Variants in WNK4 observed in about 807,000 individuals in gnomAD.
WNK4 encodes the protein serine/threonine-protein kinase WNK4.
A neutral mutation model predicts 116.2 loss-of-function variants in WNK4; 94 were observed. The observed-to-expected ratio is 0.81, with a 90% CI of 0.68 to 0.96. WNK4 has a LOEUF of 0.96. WNK4 is among the 40% of genes least tolerant of loss of function. WNK4 has a pLI of 0.00. For missense variants in WNK4, 1,542 were observed against 1,650.6 expected (o/e 0.93, Z 1.14); for synonymous variants, 655 against 672.7 (o/e 0.97, Z 0.41).
At position 42,782,024 on chromosome 17, in the gene WNK4, TAC is replaced by T. The variant is rs1341216034; in HGVS notation, c.618+710_618+711del. ...GACCTTCCTCCCATTGCTCCCATGCTACATATGGGTTAGGAGAACCCAGTCAA... is the reference window on the plus strand; with the variant it reads ...GACCTTCCTCCCATTGCTCCCATGCTATATGGGTTAGGAGAACCCAGTCAA... On this transcript the variant is annotated intron_variant, in intron 1 of 18. Transcript: ENST00000246914. This position sits in a 1 kb window ranked among gnomAD's most constrained non-coding sequence, Gnocchi z 4.2. 1.3e-5 allele frequency among the ~76,000 whole-genome samples: 2 copies of T among 152,204 alleles called. No homozygotes were observed. Among genetic ancestry groups the T allele is most frequent in the Non-Finnish European group, 2.9e-5 (2 of 68,016 alleles).
In WNK4 at chr17:42,783,923, G is replaced by T. The variant is rs772622204; in HGVS notation, c.792-14G>T. 18 of 1,610,216 alleles carry T rather than the reference G, an allele frequency of 1.1e-5. No individual in the cohort carries two copies. The highest frequency in any genetic ancestry group is 1.4e-5 in the Non-Finnish European group (16 of 1,178,728). ...GTCCCCCCACCAGGACTCTGGCTATGCGCCCTCCCCCAGGTACCTGAGGCG... is the reference window on the plus strand; with the variant it reads ...GTCCCCCCACCAGGACTCTGGCTATTCGCCCTCCCCCAGGTACCTGAGGCG... On this transcript the variant is annotated splice_polypyrimidine_tract_variant and intron_variant, in intron 2 of 18. Coordinates refer to ENST00000246914, the MANE Select transcript of WNK4 (RefSeq NM_032387.5).
In WNK4 at chr17:42,795,120, C is replaced by T; in HGVS notation, c.2699C>T (p.Thr900Ile). Reference protein sequence around the residue: ...PTFSPTCSQVTLSSPFFPPCP... With the variant: ...PTFSPTCSQVILSSPFFPPCP... ...TTCTCTCCCACTTGTTCTCAGGTCA[C>T]TCTTAGTTCCCCTTTCTTTCCTCCG... Residue 900 changes from threonine (T) to isoleucine (I), a missense_variant, in exon 14 of 19, where the codon ACT becomes ATT. Coordinates refer to ENST00000246914, the MANE Select transcript of WNK4 (RefSeq NM_032387.5). 3 of 1,614,104 alleles carry T rather than the reference C, an allele frequency of 1.9e-6. No homozygotes were observed. Among genetic ancestry groups the T allele is most frequent in the Middle Eastern group, 1.6e-4 (1 of 6,062 alleles).
Position 42,782,747 on chromosome 17 carries a change from C to G in WNK4, c.619-11C>G, listed in dbSNP as rs1254924494. ...CTGGGCCTGACATGACACCCGTCCC[C>G]CATCCCACAGACTCGGAAACTGTCT... On this transcript the variant is annotated splice_polypyrimidine_tract_variant and intron_variant, in intron 1 of 18. Transcript: ENST00000246914. This position sits in a 1 kb window ranked among gnomAD's most constrained non-coding sequence, Gnocchi z 4.2. 6.2e-7 allele frequency: 1 copy of G among 1,613,952 alleles called. No individual in the cohort carries two copies. Among genetic ancestry groups the G allele is most frequent in the Admixed American group, 1.7e-5 (1 of 60,034 alleles).
In WNK4 at chr17:42,784,440, C is replaced by T. The variant is rs1468233625; in HGVS notation, c.1031C>T (p.Ala344Val). The T allele has an allele frequency of 6.2e-7, 1 of 1,613,466 alleles. No homozygotes were observed. Among genetic ancestry groups the T allele is most frequent in the Non-Finnish European group, 8.5e-7 (1 of 1,179,788 alleles). Residue 344 changes from alanine (A) to valine (V), a missense_variant, in exon 4 of 19, where the codon GCC (alanine) becomes GTC (valine). Transcript: ENST00000246914. The surrounding 1 kb of genome is among the most constrained non-coding windows in gnomAD (Gnocchi z 4.4). ...CCTACAGGGACCCCGGAATTCATGGCCCCCGAGATGTACGAGGAAAAGTAC... is the reference window on the plus strand; with the variant it reads ...CCTACAGGGACCCCGGAATTCATGGTCCCCGAGATGTACGAGGAAAAGTAC... ...KSVIGTPEFM[A>V]PEMYEEKYDE...
rs1189947095 is a variant in WNK4, at chr17:42,795,025, C to T, written c.2604C>T (p.Ser868=). 1.9e-6 allele frequency: 3 copies of T among 1,613,604 alleles called. No homozygotes were observed. Among genetic ancestry groups the T allele is most frequent in the Non-Finnish European group, 2.5e-6 (3 of 1,179,922 alleles). The change falls in exon 14 of 19, where the codon AGC becomes AGT. Residue 868 remains serine, a synonymous_variant. Coordinates refer to ENST00000246914, the MANE Select transcript of WNK4 (RefSeq NM_032387.5). ...GCTCTCCACTTCCATTCTCCTCCAG[C>T]ACACCCGAGTTTCCGGTCCCACTCT... is the stretch of plus-strand genomic sequence containing the variant. ...PTSSPLPFSS[S]TPEFPVPLSQ...
At chr17:42,787,591 C>T in intron 7 of WNK4, 49 bp downstream of exon 7, 1 of 1,609,842 alleles carries the variant, frequency 6.2e-7, no homozygotes, top group South Asian at 1.1e-5. Context: ...ACCTTGGCCT[C>T]TGCCCCCTAC....
chr17:42,793,826 C>T, intron 12 of WNK4, 97 bp downstream of exon 12: 3 of 1,474,886 alleles, frequency 2.0e-6, no homozygotes, highest in Non-Finnish European at 2.8e-6. Flanking sequence ...TTTAACTCCT[C>T]TTCATCTCTG....
chr17:42,784,678 A>G lies in WNK4; in HGVS notation c.1170+99A>G. 1 of 1,481,396 alleles carries G rather than the reference A, an allele frequency of 6.8e-7. No individual in the cohort carries two copies. The highest frequency in any genetic ancestry group is 9.2e-7 in the Non-Finnish European group (1 of 1,081,620). The allele number at this position is 1,481,396 out of a possible 1,614,324, so 91.8% of individuals were successfully genotyped here. The stretch of plus-strand genomic sequence containing the variant: ...GTCAATGCCCTTTGCCTGCACGAAA[A>G]CAGGCTAGACACAGAGTCGCCTTGG... On this transcript the variant is annotated intron_variant, in intron 4 of 18. Transcript: ENST00000246914. This position sits in a 1 kb window ranked among gnomAD's most constrained non-coding sequence, Gnocchi z 4.4.
Position 42,784,504 on chromosome 17 carries a change from GCTGGAGATGGCCA to G in WNK4, c.1097_1109del (p.Leu366ProfsTer31). Reference sequence around the variant, plus strand: ...ACGTGTACGCGTTCGGCATGTGCATGCTGGAGATGGCCACCTCTGAGTACCCGTACTCCGAGTG... The same window carrying G: ...ACGTGTACGCGTTCGGCATGTGCATGCCTCTGAGTACCCGTACTCCGAGTG... On this transcript the variant is annotated frameshift_variant, in exon 4 of 19. Coordinates refer to ENST00000246914, the MANE Select transcript of WNK4 (RefSeq NM_032387.5). LOFTEE classifies it high-confidence loss of function. The surrounding 1 kb of genome is among the most constrained non-coding windows in gnomAD (Gnocchi z 4.4). The G allele has an allele frequency of 6.2e-7, 1 of 1,614,068 alleles. No individual in the cohort carries two copies. Among genetic ancestry groups the G allele is most frequent in the Non-Finnish European group, 8.5e-7 (1 of 1,180,012 alleles).
rs200182836 is a variant in WNK4, at chr17:42,787,375, G to A, written c.1574G>A (p.Arg525His). The change falls in exon 7 of 19, where the codon CGT becomes CAT. Residue 525 changes from arginine to histidine, a missense_variant. Arg to His is a conservative substitution (Grantham distance 29). Transcript: ENST00000246914. Reference sequence around the variant, plus strand: ...ATCCAGCGAAAGCGTGAGAAGCTGCGTAAAGCAAGGGAATTGGAGGCACTC... The same window carrying A: ...ATCCAGCGAAAGCGTGAGAAGCTGCATAAAGCAAGGGAATTGGAGGCACTC... Reference protein sequence around the residue: ...AAIQRKREKLRKARELEALPP... With the variant: ...AAIQRKREKLHKARELEALPP... The A allele has an allele frequency of 1.2e-4, 188 of 1,614,128 alleles. 1 individual carries two copies. The highest frequency in any genetic ancestry group is 1.6e-4 in the East Asian group (7 of 44,884).
intron 6 of WNK4, among the ~76,000 whole-genome samples, chr17:42,786,294 G>A (rs998464902): frequency 9.9e-5 from 15 of 152,194 alleles, no homozygotes; most frequent in African/African-American, 3.6e-4. Context: ...CGGCTAAAAG[G>A]AATGAGGAGG....
chr17:42,789,962 C>T (rs117300852), intron 11 of WNK4, among the ~76,000 whole-genome samples: 7,048 of 151,904 alleles, frequency 0.046, 222 homozygotes, highest in Non-Finnish European at 0.069. Flanking sequence ...GCTTTGATCA[C>T]GCCACTGCAC....
rs2054682449 is a variant in WNK4, at chr17:42,796,837, A to G, written c.*149A>G. ...AAGGCCAGGGGGGCATGGAGAGTGC[A>G]GCTCCATTATAGTGAAGAGCCAAAC... On this transcript the variant is annotated 3_prime_UTR_variant, in exon 19 of 19. Transcript: ENST00000246914. The G allele has an allele frequency of 1.3e-6, 2 of 1,514,328 alleles. No individual in the cohort carries two copies. The highest frequency in any genetic ancestry group is 1.8e-6 in the Non-Finnish European group (2 of 1,098,670). 93.8% of individuals were successfully genotyped at this position (1,514,328 alleles called of 1,614,324 possible). A position where few individuals can be genotyped will look rare whatever the true frequency, so the allele number is the denominator to read the frequency against.
At position 42,796,967 on chromosome 17, in the gene WNK4, G is replaced by A; in HGVS notation, c.*279G>A. ...TCAACCACTAAGCAATCCCACCCAA[G>A]CCTGGATGCTTCTAGAGGGGCCCAC... On this transcript the variant is annotated 3_prime_UTR_variant, in exon 19 of 19. Transcript: ENST00000246914. The A allele has an allele frequency of 1.7e-6, 1 of 591,096 alleles. No homozygotes were observed. Among genetic ancestry groups the A allele is most frequent in the South Asian group, 2.0e-5 (1 of 49,754 alleles). 36.6% of individuals were successfully genotyped at this position (591,096 alleles called of 1,614,324 possible). A position where few individuals can be genotyped will look rare whatever the true frequency, so the allele number is the denominator to read the frequency against.
At chr17:42,791,962 A>T (rs201508357) in intron 11 of WNK4, among the ~76,000 whole-genome samples, 1,832 of 151,980 alleles carry the variant, frequency 0.012, 31 homozygotes, top group African/African-American at 0.032. Context: ...AAAAAAAAAA[A>T]AATAATAATG....
Position 42,794,822 on chromosome 17 carries a change from T to C in WNK4, c.2401T>C (p.Ser801Pro), listed in dbSNP as rs760081118. ...SLEHRSWTAF[S>P]TSSSSPGTPL... is the part of the protein sequence containing the mutation. ...GGAGCACAGGAGCTGGACAGCCTTC[T>C]CCACCTCCTCATCTTCTCCTGGAAC... The change falls in exon 14 of 19, where the codon TCC becomes CCC. Residue 801 changes from serine to proline, a missense_variant. Physicochemically the swap from Ser to Pro is moderately conservative, Grantham distance 74. Transcript: ENST00000246914. 2.4e-5 allele frequency: 38 copies of C among 1,613,722 alleles called. No homozygotes were observed. Among genetic ancestry groups the C allele is most frequent in the Admixed American group, 3.3e-5 (2 of 59,952 alleles).
At chr17:42,796,634 C>T (rs372929812) in intron 18 of WNK4, 52 bp from the exon 19 acceptor site, 49 of 1,614,218 alleles carry the variant, frequency 3.0e-5, no homozygotes, top group African/African-American at 2.9e-4. Flanking sequence ...GCTGCAGCTT[C>T]GCCTTCCTCC....
At chr17:42,796,612 G>A in intron 18 of WNK4, 34 bp downstream of exon 18, 4 of 1,614,198 alleles carry the variant, frequency 2.5e-6, no homozygotes, top group Non-Finnish European at 3.4e-6. Context: ...AGAGCCCAGG[G>A]AATGGTACCT....
At position 42,784,126 on chromosome 17, in the gene WNK4, C is replaced by G. The variant is rs1262452111; in HGVS notation, c.981C>G (p.Leu327=). The G allele has an allele frequency of 6.2e-7, 1 of 1,608,768 alleles. No individual in the cohort carries two copies. The highest frequency in any genetic ancestry group is 8.5e-7 in the Non-Finnish European group (1 of 1,180,018). Residue 327 remains leucine (L), a synonymous_variant, in exon 3 of 19, where the codon CTC becomes CTG. Transcript: ENST00000246914. The surrounding 1 kb of genome is among the most constrained non-coding windows in gnomAD (Gnocchi z 4.4). ...TCGGGGACCTGGGCCTGGCCACGCT[C>G]AAGCGCGCCTCCTTTGCCAAGAGTG... is the stretch of plus-strand genomic sequence containing the variant. ...VKIGDLGLAT[L]KRASFAKSVI...
Sources: gnomAD v4.1 joint callset for allele counts (sites outside exome capture counted in the v4.1 genomes callset) on GRCh38, gnomAD v4.1.1 for gene constraint, Gnocchi (gnomAD v3.1) non-coding constraint, MANE v1.5 for transcripts, NCBI Gene and HGNC (gene_info 2026-07-23, HGNC 2026-07-21) for gene names.